The following DACH1 variants were observed in gnomAD, a reference collection of about 807,000 sequenced individuals.
DACH1 encodes the protein dachshund family transcription factor 1.
DACH1 carries 12 observed loss-of-function variants against 54.2 expected under a neutral mutation model. That is an observed-to-expected ratio of 0.22 (90% CI 0.14 to 0.36). The LOEUF (loss-of-function observed/expected upper bound fraction) is 0.36. Ranked by LOEUF, DACH1 falls within the 10% of genes least tolerant of loss-of-function variation. The probability of loss-of-function intolerance (pLI) is 1.00; values close to 1 mark genes in which losing one functional copy is unlikely to be tolerated. For missense variants in DACH1, 805 were observed against 929.8 expected, an observed-to-expected ratio of 0.87 and a Z score of 1.75; for synonymous variants, 386 against 366.2, an observed-to-expected ratio of 1.05 and a Z score of -0.62.
At chr13:71,541,932 T>A (rs1463649458) in intron 6 of DACH1, among the ~76,000 whole-genome samples, 3 of 148,950 alleles carry the variant, frequency 2.0e-5, no homozygotes, top group African/African-American at 7.4e-5. Flanking sequence ...CCAGTTTTTT[T>A]TTTTTTTTTT....
At chr13:71,701,499 G>C (rs1167497901) in intron 1 of DACH1, among the ~76,000 whole-genome samples, 2 of 152,004 alleles carry the variant, frequency 1.3e-5, no homozygotes, top group South Asian at 4.1e-4. Flanking sequence ...AGATATATAA[G>C]TGAAAATCAT....
intron 3 of DACH1, among the ~76,000 whole-genome samples, chr13:71,599,173 A>T (rs1266676922): frequency 6.6e-6 from 1 of 152,192 alleles, no homozygotes; most frequent in Admixed American, 6.5e-5. Context: ...TTGAGCATTC[A>T]TCTAAAAAAT....
At chr13:71,586,934 A>G (rs747220802) in intron 3 of DACH1, among the ~76,000 whole-genome samples, 2 of 152,006 alleles carry the variant, frequency 1.3e-5, no homozygotes, top group Admixed American at 6.6e-5. Context: ...TAATAGCCCA[A>G]AGTTTTTCGG....
intron 1 of DACH1, among the ~76,000 whole-genome samples, chr13:71,806,085 G>A (rs1887489378): frequency 6.6e-6 from 1 of 152,126 alleles, no homozygotes; most frequent in African/African-American, 2.4e-5. Flanking sequence ...GGGATTATAG[G>A]CGTCAGCCAC....
rs1341132010 is a variant in DACH1, at chr13:71,615,839, G to GTGTA, written c.1126+14713_1126+14716dup. Among the ~76,000 whole-genome samples, 5 of 152,260 alleles carry GTGTA rather than the reference G, an allele frequency of 3.3e-5. 1 individual carries two copies. The highest frequency in any genetic ancestry group is 1.2e-4 in the African/African-American group (5 of 41,558). Reference sequence around the variant, plus strand: ...CATCTATGAATGTTCATGTGTGTGTGTGTATGTACACCTTTATTATTTTAC... The same window carrying GTGTA: ...CATCTATGAATGTTCATGTGTGTGTGTGTATGTATGTACACCTTTATTATTTTAC... On this transcript the variant is annotated intron_variant, in intron 3 of 10. Transcript: ENST00000613252.
At chr13:71,792,162 AC>A (rs1187628547) in intron 1 of DACH1, among the ~76,000 whole-genome samples, 2 of 152,138 alleles carry the variant, frequency 1.3e-5, no homozygotes, top group Non-Finnish European at 2.9e-5. Context: ...ATATAACCCA[AC>A]CCAATGCATT....
chr13:71,620,478 T>C (rs1346225196), intron 3 of DACH1, among the ~76,000 whole-genome samples: 1 of 151,972 alleles, frequency 6.6e-6, no homozygotes, highest in East Asian at 1.9e-4. Context: ...CTTCTGAACA[T>C]AATAGGGTCA....
At chr13:71,561,452 G>A (rs991238172) in intron 4 of DACH1, among the ~76,000 whole-genome samples, 10 of 152,162 alleles carry the variant, frequency 6.6e-5, no homozygotes, top group African/African-American at 2.4e-4. Context: ...AGAATGTCAT[G>A]TGACCATAGA....
At chr13:71,536,953 G>A (rs745898137) in intron 6 of DACH1, among the ~76,000 whole-genome samples, 19 of 151,832 alleles carry the variant, frequency 1.3e-4, no homozygotes, top group African/African-American at 4.1e-4. Context: ...TTATAGCTCC[G>A]CACACCATTA....
rs143692970 is a variant in DACH1, at chr13:71,520,329, A to C, written c.1571-31181T>G. ...CCTCATGGAAATGAAGAAACAGTTC[A>C]ATCCACAGGATTTTTGTAAAATGCT... is the stretch of plus-strand genomic sequence containing the variant. On this transcript the variant is annotated intron_variant, in intron 6 of 10. Coordinates refer to ENST00000613252, the MANE Select transcript of DACH1 (RefSeq NM_080759.6). Among the ~76,000 whole-genome samples, 339 of 151,896 alleles carry C rather than the reference A, an allele frequency of 2.2e-3. 3 individuals are homozygous for C. Among genetic ancestry groups the C allele is most frequent in the African/African-American group, 7.9e-3 (328 of 41,490 alleles).
At chr13:71,579,762 A>G (rs1430868699) in intron 3 of DACH1, among the ~76,000 whole-genome samples, 1 of 152,128 alleles carries the variant, frequency 6.6e-6, no homozygotes, top group Non-Finnish European at 1.5e-5. Flanking sequence ...TCATAATTAT[A>G]AAGATAAAAG....
rs189808045 is a variant in DACH1, at chr13:71,730,486, C to A, written c.849-48576G>T. 8.5e-5 allele frequency among the ~76,000 whole-genome samples: 13 copies of A among 152,272 alleles called. No individual in the cohort carries two copies. The East Asian group carries it at 2.1e-3, about 25-fold the overall frequency. On this transcript the variant is annotated intron_variant, in intron 1 of 10. Coordinates refer to ENST00000613252, the MANE Select transcript of DACH1 (RefSeq NM_080759.6). ...GTATTTGAAATAAGCATGAGTCATG[C>A]ACGCAAAGTCAAAAAATCAATCACA...
intron 2 of DACH1, among the ~76,000 whole-genome samples, chr13:71,669,900 G>A (rs1209912274): frequency 6.6e-6 from 1 of 151,984 alleles, no homozygotes; most frequent in Non-Finnish European, 1.5e-5. Flanking sequence ...AGAGAATAAA[G>A]GCCAGACCTT....
chr13:71,836,293 A>G (rs1888780774), intron 1 of DACH1, among the ~76,000 whole-genome samples: 1 of 152,060 alleles, frequency 6.6e-6, no homozygotes, highest in African/African-American at 2.4e-5. Context: ...AATAAAAATT[A>G]ATAGTCAATG....
intron 10 of DACH1, among the ~76,000 whole-genome samples, chr13:71,472,559 T>C (rs1393062244): frequency 1.3e-5 from 2 of 152,234 alleles, no homozygotes; most frequent in Non-Finnish European, 2.9e-5. Flanking sequence ...TATTTTGTCT[T>C]TCCCAATAAA....
chr13:71,553,578 C>T (rs1339550734), intron 6 of DACH1, among the ~76,000 whole-genome samples: 1 of 141,838 alleles, frequency 7.1e-6, no homozygotes. Flanking sequence ...TTTGTTTTTG[C>T]ATTTTGTATT....
rs541590774 is a variant in DACH1, at chr13:71,680,222, T to C, written c.964+1573A>G. Among the ~76,000 whole-genome samples the C allele has an allele frequency of 2.3e-3, 351 of 152,348 alleles. 1 individual carries two copies. Among genetic ancestry groups the C allele is most frequent in the Non-Finnish European group, 3.1e-3 (211 of 68,028 alleles). On this transcript the variant is annotated intron_variant, in intron 2 of 10. Transcript: ENST00000613252. ...CTTGAAATTGGGCAGTTTTCAGCTA[T>C]TGATTTCATTTTTCTATATCTCAAT...
chr13:71,545,178 C>T (rs1047136126), intron 6 of DACH1, among the ~76,000 whole-genome samples: 2 of 151,986 alleles, frequency 1.3e-5, no homozygotes, highest in Non-Finnish European at 2.9e-5. Flanking sequence ...CACGGACATT[C>T]GCTAATTTCC....
In DACH1 at chr13:71,557,050, T is replaced by C; in HGVS notation, c.1544A>G (p.Glu515Gly). Residue 515 changes from glutamate to glycine, a missense_variant, in exon 6 of 11, where the codon GAG becomes GGG. Physicochemically the swap from Glu to Gly is moderately conservative, Grantham distance 98. Around this residue, in one of 3 missense-constraint regions of DACH1, gnomAD observed 472 missense variants for 545.3 expected, o/e 0.87. Coordinates refer to ENST00000613252, the MANE Select transcript of DACH1 (RefSeq NM_080759.6). The part of the protein sequence containing the change: ...GDLAGHDMGH[E>G]SKRMHIEKDE... Reference sequence around the variant, plus strand: ...TTTTTCAATATGCATCCTTTTTGACTCATGTCCCATGTCATGACCGGCCAA... The same window carrying C: ...TTTTTCAATATGCATCCTTTTTGACCCATGTCCCATGTCATGACCGGCCAA... The C allele has an allele frequency of 6.2e-7, 1 of 1,608,578 alleles. No individual in the cohort carries two copies. Among genetic ancestry groups the C allele is most frequent in the Non-Finnish European group, 8.5e-7 (1 of 1,177,634 alleles).
Sources: allele counts gnomAD v4.1 joint callset (sites outside exome capture counted in the v4.1 genomes callset), GRCh38; gene constraint gnomAD v4.1.1; regional missense constraint gnomAD v4.1.1; transcripts MANE v1.5; gene names NCBI Gene and HGNC (gene_info 2026-07-23, HGNC 2026-07-21).